TDRP: variants seen among roughly 807,000 people sequenced by gnomAD.
The protein encoded by TDRP is testis development-related protein.
Under a neutral mutation model 10.5 loss-of-function variants are expected in TDRP, and 12 were observed. The observed-to-expected ratio is 1.15, with a 90% CI of 0.73 to 1.86. The LOEUF is 1.86. Ranked by LOEUF, TDRP falls within the 40% of genes most tolerant of loss-of-function variation. TDRP has a pLI of 0.00. For synonymous variants in TDRP, 139 were observed against 95.4 expected (o/e 1.46, Z -2.67); for missense variants, 353 against 229.2 (o/e 1.54, Z -3.49).
In TDRP at chr8:491,776, C is replaced by T. The variant is rs2278764; in HGVS notation, c.*623G>A. The T allele has an allele frequency of 0.15, 203,487 of 1,341,520 alleles. 16,236 individuals are homozygous for T. Among genetic ancestry groups the T allele is most frequent in the Admixed American group, 0.29 (8,037 of 28,162 alleles). 83.1% of individuals were successfully genotyped at this position (1,341,520 alleles called of 1,614,324 possible). A position where few individuals can be genotyped will look rare whatever the true frequency, so the allele number is the denominator to read the frequency against. ...CCAAAAAAGAACCACTGTTACTATC[C>T]AGTGGACATACAAGAAGCTATTCCT... is the stretch of plus-strand genomic sequence containing the variant. On this transcript the variant is annotated 3_prime_UTR_variant, in exon 3 of 3. Coordinates refer to ENST00000324079, the MANE Select transcript of TDRP (RefSeq NM_001384899.1).
intron 1 of TDRP, among the ~76,000 whole-genome samples, chr8:543,891 T>C (rs140057086): frequency 0.015 from 1,864 of 121,868 alleles, 23 homozygotes; most frequent in African/African-American, 0.048. Context: ...CTAAATTTCA[T>C]TGTACATGAA....
intron 1 of TDRP, among the ~76,000 whole-genome samples, chr8:501,584 C>T (rs1214168819): frequency 2.6e-5 from 4 of 152,202 alleles, no homozygotes; most frequent in East Asian, 3.9e-4. Flanking sequence ...TGCCCTCAAG[C>T]GATCCAACCG....
intron 1 of TDRP, among the ~76,000 whole-genome samples, chr8:502,952 C>T (rs560080500): frequency 4.0e-5 from 6 of 150,530 alleles, no homozygotes; most frequent in East Asian, 2.0e-4. Flanking sequence ...GAGCCACACA[C>T]TGGAACCAAT....
intron 1 of TDRP, among the ~76,000 whole-genome samples, chr8:499,641 G>A (rs767282990): frequency 6.6e-6 from 1 of 152,236 alleles, no homozygotes; most frequent in Non-Finnish European, 1.5e-5. Context: ...AGCGTGAGGA[G>A]TGCTGTGAGG....
At chr8:524,881 A>AG (rs1801998023) in intron 1 of TDRP, among the ~76,000 whole-genome samples, 2 of 152,122 alleles carry the variant, frequency 1.3e-5, no homozygotes, top group Non-Finnish European at 2.9e-5. Context: ...AACGAGAGAG[A>AG]AGGGTAGAAA....
Position 544,729 on chromosome 8 carries a change from A to C in TDRP, c.29T>G (p.Leu10Arg). ...CTCCTCCTCGGGGGGCTCGTCCAGC[A>C]GCACTCGGCCCCGGCCCAGCTTCCA... The part of the protein sequence containing the change: MWKLGRGRV[L>R]LDEPPEEEDG... Residue 10 changes from leucine to arginine, a missense_variant, in exon 1 of 3, where the codon CTG becomes CGG. Transcript: ENST00000324079. The C allele has an allele frequency of 8.0e-7, 1 of 1,243,020 alleles. No homozygotes were observed. Among genetic ancestry groups the C allele is most frequent in the Non-Finnish European group, 1.0e-6 (1 of 992,700 alleles). The allele number at this position is 1,243,020 out of a possible 1,614,324, so 77.0% of individuals were successfully genotyped here. A position where few individuals can be genotyped will look rare whatever the true frequency, so the allele number is the denominator to read the frequency against.
rs149669820 is a variant in TDRP at position 520,397 on chromosome 8, C to A, written c.108+24253G>T. ...GCTTCTCCTCTTATTATAAGTGGTGCTGTAATGAACATGGGTGTGCAAATC... is the reference window on the plus strand; with the variant it reads ...GCTTCTCCTCTTATTATAAGTGGTGATGTAATGAACATGGGTGTGCAAATC... On this transcript the variant is annotated intron_variant, in intron 1 of 2. Coordinates refer to ENST00000324079, the MANE Select transcript of TDRP (RefSeq NM_001384899.1). Among the ~76,000 whole-genome samples, 353 of 152,278 alleles carry A rather than the reference C, an allele frequency of 2.3e-3. 1 individual carries two copies. Among genetic ancestry groups the A allele is most frequent in the African/African-American group, 8.2e-3 (342 of 41,572 alleles).
At chr8:497,683 C>G (rs536396020) in intron 1 of TDRP, among the ~76,000 whole-genome samples, 1 of 152,282 alleles carries the variant, frequency 6.6e-6, no homozygotes, top group East Asian at 1.9e-4. Flanking sequence ...TGTTAATTGT[C>G]AAGACAATGG....
intron 1 of TDRP, among the ~76,000 whole-genome samples, chr8:515,047 A>G (rs924664007): frequency 5.3e-5 from 8 of 152,214 alleles, no homozygotes; most frequent in Admixed American, 3.3e-4. Context: ...TACTGGAGAC[A>G]CAGGTCAGGC....
chr8:543,747 A>G (rs1042797321), intron 1 of TDRP, among the ~76,000 whole-genome samples: 3 of 152,200 alleles, frequency 2.0e-5, no homozygotes, highest in Admixed American at 1.3e-4. Context: ...TCTTCTGCTC[A>G]GAAACTATTT....
chr8:497,287 G>C (rs1036850561), intron 1 of TDRP, among the ~76,000 whole-genome samples: 2 of 152,202 alleles, frequency 1.3e-5, no homozygotes, highest in Admixed American at 1.3e-4. Flanking sequence ...GGATTAGGTA[G>C]TCTCAAATGG....
At position 542,405 on chromosome 8, in the gene TDRP, T is replaced by C. The variant is rs149070490; in HGVS notation, c.108+2245A>G. Among the ~76,000 whole-genome samples, 209 of 151,678 alleles carry C rather than the reference T, an allele frequency of 1.4e-3. 1 individual carries two copies. Among genetic ancestry groups the C allele is most frequent in the African/African-American group, 4.8e-3 (200 of 41,334 alleles). On this transcript the variant is annotated intron_variant, in intron 1 of 2. Transcript: ENST00000324079. ...CCATGAGCCCGTGTAGGTCCACAGA[T>C]TGTAACAAACGCACCATTCTGTGGG... is the stretch of plus-strand genomic sequence containing the variant.
intron 1 of TDRP, among the ~76,000 whole-genome samples, chr8:510,976 C>T (rs923730083): frequency 1.3e-5 from 2 of 152,120 alleles, no homozygotes; most frequent in East Asian, 1.9e-4. Flanking sequence ...AGCAAAGCTA[C>T]ATCAGGCTAA....
At chr8:499,144 T>C (rs1031152522) in intron 1 of TDRP, among the ~76,000 whole-genome samples, 1 of 152,214 alleles carries the variant, frequency 6.6e-6, no homozygotes, top group Non-Finnish European at 1.5e-5. Flanking sequence ...GAAATATAAA[T>C]TATTACCTAG....
intron 1 of TDRP, among the ~76,000 whole-genome samples, chr8:533,262 A>C (rs1176709931): frequency 6.6e-6 from 1 of 152,008 alleles, no homozygotes; most frequent in East Asian, 1.9e-4. Context: ...GGGCTCCTCA[A>C]CTCTGGACAG....
intron 1 of TDRP, among the ~76,000 whole-genome samples, chr8:519,475 A>C (rs79210064): frequency 6.6e-6 from 1 of 152,160 alleles, no homozygotes; most frequent in Non-Finnish European, 1.5e-5. Flanking sequence ...ACCTTCAAGT[A>C]TAGAGTTCAA....
chr8:540,136 TCTA>T (rs1032324607), intron 1 of TDRP, among the ~76,000 whole-genome samples: 9 of 152,220 alleles, frequency 5.9e-5, no homozygotes, highest in Admixed American at 2.0e-4. Flanking sequence ...ACTTCTTTTC[TCTA>T]CTATTTGCAT....
intron 1 of TDRP, among the ~76,000 whole-genome samples, chr8:502,984 C>G (rs1801346699): frequency 6.6e-6 from 1 of 151,706 alleles, no homozygotes; most frequent in South Asian, 2.1e-4. Flanking sequence ...CACACGTCAA[C>G]ACAGAATACA....
chr8:522,707 A>G (rs1018282207), intron 1 of TDRP, among the ~76,000 whole-genome samples: 17 of 152,320 alleles, frequency 1.1e-4, no homozygotes, highest in African/African-American at 2.9e-4. Flanking sequence ...GACTCGGTGC[A>G]CCTAAATAAT....
Sources: allele counts gnomAD v4.1 joint callset (sites outside exome capture counted in the v4.1 genomes callset), GRCh38; gene constraint gnomAD v4.1.1; transcripts MANE v1.5; gene names NCBI Gene and HGNC (gene_info 2026-07-23, HGNC 2026-07-21).